The following GLRA2 variants were observed in gnomAD, a reference collection of about 807,000 sequenced individuals.
The protein encoded by GLRA2 is glycine receptor subunit alpha-2.
In GLRA2, 11 loss-of-function variants were observed where a neutral mutation model predicts 31.6. The ratio of observed to expected loss-of-function variants is 0.35; its 90% CI spans 0.22 to 0.58. GLRA2 has a LOEUF of 0.58. Among genes scored for constraint, GLRA2 ranks in the 20% least tolerant of loss-of-function variants. The pLI is 0.84. For synonymous variants in GLRA2, 132 were observed against 134.0 expected (o/e 0.99, Z 0.10); for missense variants, 212 against 351.8 (o/e 0.60, Z 3.18).
rs188177115 is a variant in GLRA2 at position 14,625,050 on chromosome X, T to C, written c.930+15845T>C. 3.9e-3 allele frequency among the ~76,000 whole-genome samples: 438 copies of C among 112,264 alleles called. 2 individuals carry two copies. Among genetic ancestry groups the C allele is most frequent in the Non-Finnish European group, 5.6e-3 (296 of 53,190 alleles). On this transcript the variant is annotated intron_variant, in intron 7 of 8. Transcript: ENST00000218075. ...TTTGTGCTCCTGTATTGGCTGCATG[T>C]ATCATTAGGATAGTTAGCTCTTGTT...
At chrX:14,708,653 C>G (rs907967094) in intron 8 of GLRA2, among the ~76,000 whole-genome samples, 19 of 111,771 alleles carry the variant, frequency 1.7e-4, no homozygotes, top group African/African-American at 5.9e-4. Flanking sequence ...AGAGAGACAT[C>G]AGGCCAGGCG....
chrX:14,719,519 G>C (rs935152080), intron 8 of GLRA2, among the ~76,000 whole-genome samples: 2 of 111,698 alleles, frequency 1.8e-5, no homozygotes, highest in Non-Finnish European at 1.9e-5. Context: ...TCTCACCCCA[G>C]TTAGAATAGC....
the GLRA2 span, among the ~76,000 whole-genome samples, chrX:14,474,211 C>T: frequency 6.3e-5 from 7 of 111,522 alleles, no homozygotes; most frequent in East Asian, 2.8e-4. Flanking sequence ...CCCAACTCAC[C>T]GGGCTCTTCA....
At chrX:14,706,165 C>A (rs868633195) in intron 8 of GLRA2, among the ~76,000 whole-genome samples, 17 of 111,704 alleles carry the variant, frequency 1.5e-4, no homozygotes, top group African/African-American at 4.6e-4. Flanking sequence ...AGTTTGAGAA[C>A]CTTGCTTCTT....
At chrX:14,454,142 AC>A in the GLRA2 span, among the ~76,000 whole-genome samples, 2 of 103,221 alleles carry the variant, frequency 1.9e-5, no homozygotes, top group African/African-American at 3.6e-5. Flanking sequence ...ATTCTGATAA[AC>A]TTGTATAGAA....
upstream of GLRA2, among the ~76,000 whole-genome samples, chrX:14,524,325 T>G (rs890270659): frequency 8.9e-6 from 1 of 111,997 alleles, no homozygotes; most frequent in Non-Finnish European, 1.9e-5. Flanking sequence ...GCCAGAGGTC[T>G]TCTCATCTAG....
In GLRA2 at chrX:14,730,805, G is replaced by A. The variant is rs1390997514; in HGVS notation, c.*320G>A. 1 of 209,100 alleles carries A rather than the reference G, an allele frequency of 4.8e-6. No homozygotes were observed. 17.2% of individuals were successfully genotyped at this position (209,100 alleles called of 1,213,427 possible). A position where few individuals can be genotyped will look rare whatever the true frequency, so the allele number is the denominator to read the frequency against. On this transcript the variant is annotated 3_prime_UTR_variant, in exon 9 of 9. Coordinates refer to ENST00000218075, the MANE Select transcript of GLRA2 (RefSeq NM_002063.4). ...TGCGCATCATTCAGACATGATATGC[G>A]GGGTCAAGTTCTTAAGGGCTGTTTG...
chrX:14,503,384 C>A, the GLRA2 span, among the ~76,000 whole-genome samples: 1 of 111,364 alleles, frequency 9.0e-6, no homozygotes, highest in East Asian at 2.8e-4. Context: ...GCTGTCACTC[C>A]ACTTTCCGAC....
chrX:14,509,003 G>A, the GLRA2 span, among the ~76,000 whole-genome samples: 1 of 111,607 alleles, frequency 9.0e-6, no homozygotes, highest in Non-Finnish European at 1.9e-5. Flanking sequence ...ATTTCACTGA[G>A]GCTGTGTTAC....
chrX:14,590,070 C>T (rs3027359), intron 4 of GLRA2, among the ~76,000 whole-genome samples: 43,572 of 110,053 alleles, frequency 0.4, 7,843 homozygotes, highest in African/African-American at 0.71. Flanking sequence ...AATAGCACCC[C>T]ATATCACCAA....
At chrX:14,542,938 T>C (rs957348721) in intron 2 of GLRA2, among the ~76,000 whole-genome samples, 4 of 110,041 alleles carry the variant, frequency 3.6e-5, no homozygotes, top group Admixed American at 9.7e-5. Context: ...ATTCAGTCAG[T>C]AGGGGCTTAG....
chrX:14,479,564 T>C, the GLRA2 span, among the ~76,000 whole-genome samples: 2 of 111,518 alleles, frequency 1.8e-5, no homozygotes, highest in South Asian at 7.6e-4. Context: ...TCCCAATTTC[T>C]ATTGTTGCCA....
intron 8 of GLRA2, among the ~76,000 whole-genome samples, chrX:14,706,580 C>T (rs763844721): frequency 1.8e-5 from 2 of 111,733 alleles, no homozygotes; most frequent in Non-Finnish European, 3.8e-5. Flanking sequence ...TTTTGTTTCT[C>T]TCAAGAAGAG....
intron 7 of GLRA2, among the ~76,000 whole-genome samples, chrX:14,681,913 A>ATATATATATATATATGTG (rs2091213479): frequency 3.3e-5 from 2 of 59,808 alleles, no homozygotes; most frequent in African/African-American, 1.2e-4. Context: ...AAAAAAAAAT[A>ATATATATATATATATGTG]TATATATATA....
At chrX:14,665,833 G>T (rs1355562103) in intron 7 of GLRA2, among the ~76,000 whole-genome samples, 1 of 111,804 alleles carries the variant, frequency 8.9e-6, no homozygotes, top group Admixed American at 9.5e-5. Flanking sequence ...TAAAATAAAA[G>T]ATATTCCAAG....
chrX:14,524,753 T>C (rs2089182339), upstream of GLRA2, among the ~76,000 whole-genome samples: 4 of 110,848 alleles, frequency 3.6e-5, no homozygotes, highest in South Asian at 1.5e-3. Flanking sequence ...TGTGTGTGTG[T>C]GTGTGTGTGT....
At chrX:14,582,879 G>A (rs952155371) in intron 4 of GLRA2, among the ~76,000 whole-genome samples, 22 of 111,743 alleles carry the variant, frequency 2.0e-4, no homozygotes, top group African/African-American at 7.2e-4. Context: ...AATTGGACAC[G>A]GCTGTGTCTC....
intron 7 of GLRA2, among the ~76,000 whole-genome samples, chrX:14,663,545 T>A (rs2091012061): frequency 9.3e-6 from 1 of 107,918 alleles, no homozygotes; most frequent in South Asian, 3.9e-4. Flanking sequence ...ACACACAAAA[T>A]AACTGAAGAC....
intron 2 of GLRA2, among the ~76,000 whole-genome samples, chrX:14,546,791 A>G (rs1358954497): frequency 9.0e-6 from 1 of 111,526 alleles, no homozygotes; most frequent in Non-Finnish European, 1.9e-5. Flanking sequence ...TGAAGCTTTC[A>G]TGATTGAGTT....
Sources: gnomAD v4.1 joint callset for allele counts (sites outside exome capture counted in the v4.1 genomes callset) on GRCh38, gnomAD v4.1.1 for gene constraint, MANE v1.5 for transcripts, NCBI Gene and HGNC (gene_info 2026-07-23, HGNC 2026-07-21) for gene names.